The following EVI5 variants were observed in gnomAD, a reference collection of about 807,000 sequenced individuals.
The protein encoded by EVI5 is ecotropic viral integration site 5 protein homolog.
A neutral mutation model predicts 112.0 loss-of-function variants in EVI5; 73 were observed. The observed-to-expected ratio is 0.65, with a 90% CI of 0.54 to 0.79. The LOEUF is 0.79. Among genes scored for constraint, EVI5 ranks in the 30% least tolerant of loss-of-function variants. EVI5 has a pLI of 0.00. For synonymous variants in EVI5, 305 were observed against 319.9 expected (o/e 0.95, Z 0.50); for missense variants, 900 against 968.8 (o/e 0.93, Z 0.94).
intron 1 of EVI5, among the ~76,000 whole-genome samples, chr1:92,775,657 T>C (rs1684020526): frequency 1.3e-5 from 2 of 152,208 alleles, no homozygotes; most frequent in Non-Finnish European, 2.9e-5. Context: ...ACGATGTTCA[T>C]GCAACAGTGA....
intron 19 of EVI5, among the ~76,000 whole-genome samples, chr1:92,515,667 A>G (rs532404365): frequency 1.3e-5 from 2 of 152,334 alleles, no homozygotes; most frequent in South Asian, 2.1e-4. Context: ...CCTAGTCACA[A>G]TCTTTCAATT....
intron 19 of EVI5, among the ~76,000 whole-genome samples, chr1:92,547,224 T>A (rs1665881724): frequency 6.6e-6 from 1 of 152,156 alleles, no homozygotes; most frequent in Non-Finnish European, 1.5e-5. Context: ...ACATGGAAAC[T>A]GAACAACCTG....
Position 92,625,922 on chromosome 1 carries a change from G to T in EVI5, c.1540C>A (p.Leu514Ile), listed in dbSNP as rs1655572147. ...VLDIEKRNNS[L>I]PDENNIARLQ... ...CTTGCAATATTATTCTCATCAGGAA[G>T]GGAGTTATTCCTCTAAAGAAGAAGA... Residue 514 changes from leucine to isoleucine, a missense_variant, in exon 15 of 20, where the codon CTT (leucine) becomes ATT (isoleucine). Leu to Ile is a conservative substitution (Grantham distance 5). Transcript: ENST00000684568. The T allele has an allele frequency of 6.2e-7, 1 of 1,602,698 alleles. No homozygotes were observed. Among genetic ancestry groups the T allele is most frequent in the Non-Finnish European group, 8.5e-7 (1 of 1,171,204 alleles).
At chr1:92,697,762 T>C in intron 6 of EVI5, 98 bp downstream of exon 6, 1 of 979,090 alleles carries the variant, frequency 1.0e-6, no homozygotes, top group Admixed American at 2.3e-5. Flanking sequence ...CTTCAAGTGC[T>C]TTAATGCTTT....
At chr1:92,701,543 C>T (rs760614727) in intron 5 of EVI5, among the ~76,000 whole-genome samples, 1 of 152,074 alleles carries the variant, frequency 6.6e-6, no homozygotes, top group Non-Finnish European at 1.5e-5. Context: ...CTTAACATTT[C>T]AACAAAGCTG....
chr1:92,730,963 C>CA (rs200243439), intron 2 of EVI5, among the ~76,000 whole-genome samples: 2,517 of 151,632 alleles, frequency 0.017, 36 homozygotes, highest in Non-Finnish European at 0.024. Flanking sequence ...AGACAAAAAC[C>CA]AAAAAAAACT....
chr1:92,551,672 C>CA (rs1359837759), intron 19 of EVI5, among the ~76,000 whole-genome samples: 4 of 152,148 alleles, frequency 2.6e-5, no homozygotes, highest in Non-Finnish European at 5.9e-5. Flanking sequence ...TTCATTTTCT[C>CA]ATGTCTGCGA....
At chr1:92,743,052 A>G (rs1678665913) in intron 1 of EVI5, among the ~76,000 whole-genome samples, 1 of 152,214 alleles carries the variant, frequency 6.6e-6, no homozygotes, top group Non-Finnish European at 1.5e-5. Flanking sequence ...ACTATTATTC[A>G]GCCTTAAAAA....
At chr1:92,758,438 G>A (rs1167922113) in intron 1 of EVI5, among the ~76,000 whole-genome samples, 5 of 151,794 alleles carry the variant, frequency 3.3e-5, no homozygotes, top group East Asian at 1.9e-4. Flanking sequence ...GCATAGTGGC[G>A]CACACCTGTG....
Position 92,720,239 on chromosome 1 carries a change from C to T in EVI5, c.150-15495G>A, listed in dbSNP as rs370030351. On this transcript the variant is annotated intron_variant, in intron 2 of 19. Transcript: ENST00000684568. ...CCGAAACAATCCTAAGCAAAAAGAA[C>T]AAAGCTGGAAGCATCATGCCACCTG... is the stretch of plus-strand genomic sequence containing the variant. 9.7e-4 allele frequency among the ~76,000 whole-genome samples: 148 copies of T among 152,146 alleles called. 2 individuals are homozygous for T. Among genetic ancestry groups the T allele is most frequent in the African/African-American group, 3.5e-3 (143 of 41,426 alleles).
intron 10 of EVI5, among the ~76,000 whole-genome samples, chr1:92,666,426 C>T (rs1011572134): frequency 6.9e-6 from 1 of 145,800 alleles, no homozygotes; most frequent in African/African-American, 2.6e-5. Flanking sequence ...GCGAATCTGT[C>T]GTCCCAGCTA....
chr1:92,663,772 C>T (rs566643017), intron 11 of EVI5, among the ~76,000 whole-genome samples: 1 of 152,214 alleles, frequency 6.6e-6, no homozygotes, highest in East Asian at 1.9e-4. Flanking sequence ...GACAGGGTCT[C>T]ACTCTGTCAC....
chr1:92,718,180 C>T (rs1674095940), intron 2 of EVI5, among the ~76,000 whole-genome samples: 1 of 152,036 alleles, frequency 6.6e-6, no homozygotes, highest in South Asian at 2.1e-4. Context: ...ACTCAGCTCT[C>T]GAGCAAGCAG....
chr1:92,599,555 T>C (rs2101495530), intron 18 of EVI5, among the ~76,000 whole-genome samples: 1 of 152,216 alleles, frequency 6.6e-6, no homozygotes, highest in East Asian at 1.9e-4. Context: ...GACATATACA[T>C]ATAATTAAAT....
chr1:92,634,007 CCCCCA>C lies in EVI5; in HGVS notation c.1527+2190_1527+2194del, dbSNP rs1456039386. 7.2e-5 allele frequency among the ~76,000 whole-genome samples: 11 copies of C among 152,276 alleles called. No homozygotes were observed. In the East Asian group the frequency reaches 2.1e-3, roughly 29 times the overall value. On this transcript the variant is annotated intron_variant, in intron 14 of 19. Transcript: ENST00000684568. The stretch of plus-strand genomic sequence containing the variant: ...TTTCTTTAAGAATGTTGAATATTGG[CCCCCA>C]CTCTCTTCTGGCTTGTAGTTTCTGC...
chr1:92,597,350 A>G lies in EVI5; in HGVS notation c.2070+7957T>C, dbSNP rs181494167. 2.2e-3 allele frequency among the ~76,000 whole-genome samples: 338 copies of G among 152,340 alleles called. 1 individual carries two copies. The highest frequency in any genetic ancestry group is 7.9e-3 in the African/African-American group (329 of 41,578). ...ACTGGGTTCTAAAGCATATGTGAGG[A>G]TAGCAAAAAAATTCTGATAATAGTT... is the stretch of plus-strand genomic sequence containing the variant. On this transcript the variant is annotated intron_variant, in intron 18 of 19. Transcript: ENST00000684568.
chr1:92,725,739 G>A (rs6703467), intron 2 of EVI5, among the ~76,000 whole-genome samples: 136,258 of 151,366 alleles, frequency 0.9, 61,449 homozygotes, highest in East Asian at 0.97. Context: ...AAAAAAAATC[G>A]GGCATGCAAA....
At chr1:92,648,854 G>A (rs771588758) in intron 13 of EVI5, among the ~76,000 whole-genome samples, 6 of 152,180 alleles carry the variant, frequency 3.9e-5, no homozygotes, top group Non-Finnish European at 1.5e-5. Context: ...ACTTGTTTGA[G>A]TACAAGCATT....
At chr1:92,624,525 G>A (rs1449772398) in intron 15 of EVI5, among the ~76,000 whole-genome samples, 191 bp from the exon 16 acceptor site, 6 of 151,604 alleles carry the variant, frequency 4.0e-5, no homozygotes, top group Non-Finnish European at 7.4e-5. Context: ...AAAGACCTTT[G>A]CAGATCTTAA....
Sources: allele counts gnomAD v4.1 joint callset (sites outside exome capture counted in the v4.1 genomes callset), GRCh38; gene constraint gnomAD v4.1.1; transcripts MANE v1.5; gene names NCBI Gene and HGNC (gene_info 2026-07-23, HGNC 2026-07-21).